TSGA13: variants seen among roughly 807,000 people sequenced by gnomAD.
TSGA13 encodes testis-specific gene 13 protein.
Under a neutral mutation model 35.1 loss-of-function variants are expected in TSGA13, and 37 were observed. That is an observed-to-expected ratio of 1.05 (90% CI 0.81 to 1.39). The LOEUF is 1.39. Ranked by LOEUF, TSGA13 falls within the 40% of genes most tolerant of loss-of-function variation. TSGA13 has a pLI of 0.00. For missense variants in TSGA13, 338 were observed against 328.5 expected (o/e 1.03, Z -0.22); for synonymous variants, 124 against 121.2 (o/e 1.02, Z -0.15).
At chr7:130,671,823 A>G (rs1796275730) in intron 6 of TSGA13, 35 bp from the exon 7 acceptor site, 3 of 1,456,254 alleles carry the variant, frequency 2.1e-6, no homozygotes, top group Non-Finnish European at 2.7e-6. Context: ...AGTAGATCCT[A>G]GGGCAGGGGG....
At position 130,668,794 on chromosome 7, in the gene TSGA13, C is replaced by G; in HGVS notation, c.*220G>C. On this transcript the variant is annotated 3_prime_UTR_variant, in exon 8 of 8. Coordinates refer to ENST00000356588, the MANE Select transcript of TSGA13 (RefSeq NM_052933.4). ...CCGGTTGGGCCGCCGCGCCTTCACT[C>G]GGGGCCAAGGCCCGCCCTCCCCGGC... The G allele has an allele frequency of 7.6e-7, 1 of 1,315,618 alleles. No homozygotes were observed. Among genetic ancestry groups the G allele is most frequent in the South Asian group, 1.5e-5 (1 of 65,068 alleles). 81.5% of individuals were successfully genotyped at this position (1,315,618 alleles called of 1,614,324 possible).
intron 1 of TSGA13, among the ~76,000 whole-genome samples, chr7:130,686,034 T>G (rs1796649816): frequency 6.6e-6 from 1 of 152,182 alleles, no homozygotes. Flanking sequence ...TGGAGTCACA[T>G]TATAGGGGCC....
rs781978562 is a variant in TSGA13 at position 130,669,018 on chromosome 7, C to T, written c.824G>A (p.Gly275Glu). ...GGAGGACTGAGGGGTCTGTGTTCAC[C>T]CGATGACCGTGGCCTTTTTGATAAT... Reference protein sequence around the residue: ...QWIIKKATVIG With the variant: ...QWIIKKATVIE The change falls in exon 8 of 8, where the codon GGG (glycine) becomes GAG (glutamate). Residue 275 changes from glycine (G) to glutamate (E), a missense_variant. Gly to Glu is a moderately conservative substitution (Grantham distance 98). Coordinates refer to ENST00000356588, the MANE Select transcript of TSGA13 (RefSeq NM_052933.4). 22 of 1,613,960 alleles carry T rather than the reference C, an allele frequency of 1.4e-5. No homozygotes were observed. Among genetic ancestry groups the T allele is most frequent in the Non-Finnish European group, 1.6e-5 (19 of 1,180,016 alleles).
chr7:130,684,412 C>A (rs1386454359), intron 2 of TSGA13, among the ~76,000 whole-genome samples: 2 of 152,190 alleles, frequency 1.3e-5, no homozygotes, highest in Non-Finnish European at 2.9e-5. Flanking sequence ...AAATGCTCCT[C>A]AGTAAGATTT....
chr7:130,672,087 AC>A (rs1290926226), intron 6 of TSGA13, among the ~76,000 whole-genome samples: 3 of 151,966 alleles, frequency 2.0e-5, no homozygotes, highest in African/African-American at 7.3e-5. Context: ...GACGGTTTTC[AC>A]CATGTTGGCC....
At position 130,683,585 on chromosome 7, in the gene TSGA13, A is replaced by T. The variant is rs782666929; in HGVS notation, c.102+9T>A. 6.2e-7 allele frequency: 1 copy of T among 1,610,844 alleles called. No homozygotes were observed. The highest frequency in any genetic ancestry group is 1.7e-5 in the Admixed American group (1 of 59,380). The stretch of plus-strand genomic sequence containing the variant: ...AATTAAACATTGAACACTTACTAAC[A>T]CTCCTTACCTCTTTGCTATTGACAA... On this transcript the variant is annotated intron_variant, in intron 3 of 7. Coordinates refer to ENST00000356588, the MANE Select transcript of TSGA13 (RefSeq NM_052933.4).
intron 5 of TSGA13, among the ~76,000 whole-genome samples, chr7:130,673,942 A>C (rs1796345927): frequency 6.6e-6 from 1 of 151,788 alleles, no homozygotes; most frequent in Non-Finnish European, 1.5e-5. Flanking sequence ...AAAATACAAA[A>C]AAATTAGCTG....
chr7:130,676,291 A>G (rs1245162706), intron 5 of TSGA13, among the ~76,000 whole-genome samples: 1 of 152,250 alleles, frequency 6.6e-6, no homozygotes, highest in African/African-American at 2.4e-5. Context: ...TGATAGCCCC[A>G]TAAAATTACC....
intron 3 of TSGA13, among the ~76,000 whole-genome samples, chr7:130,682,350 C>T (rs1488163985): frequency 2.0e-5 from 3 of 152,164 alleles, no homozygotes; most frequent in African/African-American, 4.8e-5. Context: ...GAACTCCTGA[C>T]CTCCAGTGAT....
At chr7:130,674,297 C>T (rs1048976868) in intron 5 of TSGA13, among the ~76,000 whole-genome samples, 38 of 150,502 alleles carry the variant, frequency 2.5e-4, no homozygotes, top group African/African-American at 8.8e-4. Flanking sequence ...CTCAGCCTCC[C>T]GAGTAGCTAG....
In TSGA13 at chr7:130,685,380, A is replaced by G; in HGVS notation, c.-150-20T>C. 1.4e-6 allele frequency: 2 copies of G among 1,418,226 alleles called. No individual in the cohort carries two copies. Among genetic ancestry groups the G allele is most frequent in the Non-Finnish European group, 1.9e-6 (2 of 1,072,326 alleles). The allele number at this position is 1,418,226 out of a possible 1,614,324, so 87.9% of individuals were successfully genotyped here. On this transcript the variant is annotated intron_variant, in intron 1 of 7. Coordinates refer to ENST00000356588, the MANE Select transcript of TSGA13 (RefSeq NM_052933.4). ...TTGAGCCTGTATGGGAAACAAGAAA[A>G]GACTGATAGGTGCTATTGTAGATGT...
rs140523967 is a variant in TSGA13 at position 130,684,883 on chromosome 7, C to T, written c.23+305G>A. Among the ~76,000 whole-genome samples, 524 of 152,176 alleles carry T rather than the reference C, an allele frequency of 3.4e-3. 1 individual carries two copies. Among genetic ancestry groups the T allele is most frequent in the Non-Finnish European group, 6.2e-3 (424 of 68,012 alleles). ...CACTTTTCAAAATGATTCTTTGATA[C>T]CTAAAAGGAAGCACAGAATCCCGGA... On this transcript the variant is annotated intron_variant, in intron 2 of 7. Coordinates refer to ENST00000356588, the MANE Select transcript of TSGA13 (RefSeq NM_052933.4).
intron 3 of TSGA13, among the ~76,000 whole-genome samples, chr7:130,682,128 C>CT (rs1335641463): frequency 1.9e-4 from 28 of 149,606 alleles, no homozygotes; most frequent in African/African-American, 4.7e-4. Context: ...ATTAATTTTT[C>CT]TTTTTTTTTG....
intron 1 of TSGA13, 79 bp downstream of exon 1, chr7:130,686,183 G>A (rs1554465715): frequency 6.6e-6 from 1 of 152,196 alleles, no homozygotes; most frequent in Non-Finnish European, 1.5e-5. Context: ...GATTTCTAGA[G>A]TTTATGACAA....
upstream of TSGA13, chr7:130,686,828 T>C (rs921280316): frequency 7.9e-5 from 12 of 151,966 alleles, no homozygotes; most frequent in African/African-American, 2.4e-4. Flanking sequence ...TTATTCCCCA[T>C]ACTTAAAATG....
In TSGA13 at chr7:130,668,849, C is replaced by A. The variant is rs1045564121; in HGVS notation, c.*165G>T. The A allele has an allele frequency of 7.6e-7, 1 of 1,314,728 alleles. No homozygotes were observed. Among genetic ancestry groups the A allele is most frequent in the Non-Finnish European group, 1.0e-6 (1 of 973,482 alleles). 81.4% of individuals were successfully genotyped at this position (1,314,728 alleles called of 1,614,324 possible). ...CTCGGCCCCCGGGACGCAGCCACGC[C>A]CCCTTCTCCTCTTGCGGCCCGCCGG... On this transcript the variant is annotated 3_prime_UTR_variant, in exon 8 of 8. Coordinates refer to ENST00000356588, the MANE Select transcript of TSGA13 (RefSeq NM_052933.4).
rs781925613 is a variant in TSGA13, at chr7:130,669,000, T to C, written c.*14A>G. ...TCTCAAGAGAGCGAGGCGGGAGGAC[T>C]GAGGGGTCTGTGTTCACCCGATGAC... is the stretch of plus-strand genomic sequence containing the variant. On this transcript the variant is annotated 3_prime_UTR_variant, in exon 8 of 8. Transcript: ENST00000356588. 12 of 1,613,478 alleles carry C rather than the reference T, an allele frequency of 7.4e-6. No individual in the cohort carries two copies. The East Asian group carries it at 2.0e-4, about 27-fold the overall frequency.
chr7:130,669,427 C>A (rs981123238), intron 7 of TSGA13, among the ~76,000 whole-genome samples: 1 of 152,204 alleles, frequency 6.6e-6, no homozygotes, highest in African/African-American at 2.4e-5. Flanking sequence ...CTATTTCTTT[C>A]AATGATTCCA....
At chr7:130,671,544 T>C (rs1323227805) in intron 7 of TSGA13, 117 bp downstream of exon 7, 7 of 1,192,880 alleles carry the variant, frequency 5.9e-6, no homozygotes, top group Non-Finnish European at 7.7e-6. Context: ...TAGGGAAAAA[T>C]AGTCTCCAGG....
Sources: gnomAD v4.1 joint callset for allele counts (sites outside exome capture counted in the v4.1 genomes callset) on GRCh38, gnomAD v4.1.1 for gene constraint, MANE v1.5 for transcripts, NCBI Gene and HGNC (gene_info 2026-07-23, HGNC 2026-07-21) for gene names.